Variants in WDFY3 observed in about 807,000 individuals in gnomAD.
WDFY3 encodes the protein WD repeat and FYVE domain-containing protein 3.
Under a neutral mutation model 409.6 loss-of-function variants are expected in WDFY3, and 66 were observed. The observed-to-expected ratio is 0.16, with a 90% confidence interval of 0.13 to 0.20. The LOEUF is 0.20. WDFY3 is among the 10% of genes least tolerant of loss of function. The pLI is 1.00. For synonymous variants in WDFY3, 1,521 were observed against 1,537.1 expected (o/e 0.99, Z 0.25); for missense variants, 3,031 against 4,298.1 (o/e 0.71, Z 8.24).
intron 1 of WDFY3, among the ~76,000 whole-genome samples, chr4:84,942,110 C>T (rs570964043): frequency 3.9e-5 from 6 of 152,004 alleles, no homozygotes; most frequent in African/African-American, 7.2e-5. Flanking sequence ...AGGAAAACTT[C>T]GGGGAAAATC....
At position 84,736,241 on chromosome 4, in the gene WDFY3, G is replaced by T; in HGVS notation, c.6844C>A (p.Leu2282Ile). The part of the protein sequence containing the change: ...KLSRVSSGFG[L>I]SKLTGSRRNR... ...CTTCTTGATCCTGTTAACTTGGAAA[G>T]ACCAAAGCCACTGCTGACACGGGAT... Residue 2282 changes from leucine to isoleucine, a missense_variant, in exon 42 of 68, where the codon CTT (leucine) becomes ATT (isoleucine). Around this residue, in one of 16 missense-constraint regions of WDFY3, gnomAD observed 98 missense variants for 194.9 expected, o/e 0.50. Transcript: ENST00000295888. 6.2e-7 allele frequency: 1 copy of T among 1,613,690 alleles called. No homozygotes were observed. Among genetic ancestry groups the T allele is most frequent in the Non-Finnish European group, 8.5e-7 (1 of 1,179,722 alleles).
chr4:84,929,521 T>G (rs1000217749), intron 2 of WDFY3, among the ~76,000 whole-genome samples: 1 of 145,634 alleles, frequency 6.9e-6, no homozygotes, highest in African/African-American at 2.5e-5. Flanking sequence ...TACCTCAAAA[T>G]GTGACCTTTG....
chr4:84,810,535 A>G (rs756702957), intron 13 of WDFY3, 191 bp from the exon 14 acceptor site: 5 of 506,408 alleles, frequency 9.9e-6, no homozygotes, highest in Non-Finnish European at 1.3e-5. Flanking sequence ...TGCTGAAGGT[A>G]ATTTTAGGAA....
At chr4:84,837,146 G>A in intron 6 of WDFY3, 56 bp from the exon 7 acceptor site, 1 of 1,337,410 alleles carries the variant, frequency 7.5e-7, no homozygotes. Flanking sequence ...AATTGGTACA[G>A]CCAAATAATT....
chr4:84,807,319 A>G (rs758011870), intron 15 of WDFY3, among the ~76,000 whole-genome samples: 25 of 152,236 alleles, frequency 1.6e-4, no homozygotes, highest in Admixed American at 5.2e-4. Context: ...ATTCTGAACC[A>G]TGCCATAGTT....
chr4:84,725,077 GA>G (rs1735452720), intron 45 of WDFY3, among the ~76,000 whole-genome samples: 1 of 152,160 alleles, frequency 6.6e-6, no homozygotes, highest in Non-Finnish European at 1.5e-5. Context: ...TGGAGGTAGA[GA>G]CTCAACTGGC....
Position 84,696,727 on chromosome 4 carries a change from A to G in WDFY3, c.8688+5T>C. ...AACTTCAATTGTAAAATGTACTTCC[A>G]TTACCTCACGATGGACTCTGATGAA... On this transcript the variant is annotated splice_donor_5th_base_variant and intron_variant, in intron 57 of 67. Transcript: ENST00000295888. The G allele has an allele frequency of 6.2e-7, 1 of 1,613,072 alleles. No individual in the cohort carries two copies. Among genetic ancestry groups the G allele is most frequent in the Non-Finnish European group, 8.5e-7 (1 of 1,179,398 alleles).
At chr4:84,777,592 A>G (rs949128704) in intron 27 of WDFY3, among the ~76,000 whole-genome samples, 14 of 152,084 alleles carry the variant, frequency 9.2e-5, no homozygotes, top group Admixed American at 9.2e-4. Flanking sequence ...GTAAGCTTTG[A>G]AAATACAGTG....
chr4:84,773,028 A>C (rs2149435184), intron 29 of WDFY3, 99 bp from the exon 30 acceptor site: 1 of 920,230 alleles, frequency 1.1e-6, no homozygotes, highest in Non-Finnish European at 1.6e-6. Context: ...TAAAAACCAA[A>C]ACAGTACTTT....
At chr4:84,881,722 A>G (rs1433182649) in intron 3 of WDFY3, among the ~76,000 whole-genome samples, 1 of 151,946 alleles carries the variant, frequency 6.6e-6, no homozygotes, top group African/African-American at 2.4e-5. Flanking sequence ...CCCCGCCTCT[A>G]CTCAAAATAC....
chr4:84,798,355 C>G (rs1191118785), intron 17 of WDFY3, among the ~76,000 whole-genome samples: 2 of 151,212 alleles, frequency 1.3e-5, no homozygotes, highest in Admixed American at 1.3e-4. Context: ...ATTCATAAAC[C>G]AAACATTTTC....
chr4:84,735,061 T>C lies in WDFY3; in HGVS notation c.6975A>G (p.Gln2325=), dbSNP rs761492187. 15 of 1,612,998 alleles carry C rather than the reference T, an allele frequency of 9.3e-6. No individual in the cohort carries two copies. Among genetic ancestry groups the C allele is most frequent in the East Asian group, 8.9e-5 (4 of 44,842 alleles). The change falls in exon 43 of 68, where the codon CAA becomes CAG. Residue 2325 remains glutamine, a synonymous_variant. Transcript: ENST00000295888. ...TCCTTACCTCCTGATATTCTTTATA[T>C]TGTGTATCTACTAAGTCACGAACAA... ...IAVVRDLVDT[Q]YKEYQERQQN... is the part of the protein sequence containing the mutation.
chr4:84,899,500 AT>A (rs1766068544), intron 2 of WDFY3, among the ~76,000 whole-genome samples: 1 of 152,222 alleles, frequency 6.6e-6, no homozygotes, highest in African/African-American at 2.4e-5. Context: ...ATAAATTGCA[AT>A]CCCATTCCTA....
chr4:84,763,368 C>T (rs547118130), intron 32 of WDFY3, among the ~76,000 whole-genome samples: 32 of 151,234 alleles, frequency 2.1e-4, no homozygotes, highest in African/African-American at 7.0e-4. Flanking sequence ...CATCATGCAC[C>T]GGGGTCTGTT....
intron 62 of WDFY3, among the ~76,000 whole-genome samples, chr4:84,686,761 T>C (rs1335460133): frequency 6.6e-6 from 1 of 152,186 alleles, no homozygotes; most frequent in Non-Finnish European, 1.5e-5. Context: ...ATCACCTACA[T>C]GCTGACACAC....
chr4:84,766,132 A>C, intron 31 of WDFY3, 105 bp from the exon 32 acceptor site: 1 of 1,483,560 alleles, frequency 6.7e-7, no homozygotes. Flanking sequence ...TTCTGGAGAT[A>C]CTATAAATTT....
chr4:84,828,017 T>C (rs1339694763), intron 9 of WDFY3, among the ~76,000 whole-genome samples: 1 of 151,494 alleles, frequency 6.6e-6, no homozygotes, highest in Non-Finnish European at 1.5e-5. Context: ...GAGTTAAAAA[T>C]TATATCGAGC....
intron 40 of WDFY3, among the ~76,000 whole-genome samples, chr4:84,738,361 C>G (rs974834891): frequency 6.6e-5 from 10 of 151,856 alleles, no homozygotes; most frequent in African/African-American, 2.4e-4. Flanking sequence ...CTTTGGGAGG[C>G]CAAGGCCGGT....
intron 39 of WDFY3, among the ~76,000 whole-genome samples, chr4:84,739,667 T>A (rs982910145): frequency 1.3e-5 from 2 of 152,144 alleles, no homozygotes; most frequent in African/African-American, 4.8e-5. Context: ...TCCAAAGCAC[T>A]GGGTTGTTCC....
Sources: gnomAD v4.1 joint callset for allele counts (sites outside exome capture counted in the v4.1 genomes callset) on GRCh38, gnomAD v4.1.1 for gene constraint, gnomAD v4.1.1 regional missense constraint, MANE v1.5 for transcripts, NCBI Gene and HGNC (gene_info 2026-07-23, HGNC 2026-07-21) for gene names.